FAM209A: variants seen among roughly 807,000 people sequenced by gnomAD.
The protein encoded by FAM209A is protein FAM209A.
Under a neutral mutation model 9.8 loss-of-function variants are expected in FAM209A, and 4 were observed. The observed-to-expected ratio is 0.41, with a 90% CI of 0.20 to 0.94. FAM209A has a LOEUF of 0.94. Among genes scored for constraint, FAM209A ranks in the 40% least tolerant of loss-of-function variants. FAM209A has a pLI of 0.32. For synonymous variants in FAM209A, 55 were observed against 77.8 expected, an observed-to-expected ratio of 0.71 and a Z score of 1.54; for missense variants, 205 against 209.4, an observed-to-expected ratio of 0.98 and a Z score of 0.13.
the FAM209A span, among the ~76,000 whole-genome samples, chr20:56,531,252 C>T: frequency 6.6e-6 from 1 of 151,866 alleles, no homozygotes; most frequent in Non-Finnish European, 1.5e-5. Context: ...TTGTGCTCGT[C>T]TCTAAAGCTT....
chr20:56,525,940 A>C lies in FAM209A; in HGVS notation c.386A>C (p.Lys129Thr), dbSNP rs1262557248. 6.2e-7 allele frequency: 1 copy of C among 1,614,190 alleles called. No individual in the cohort carries two copies. The highest frequency in any genetic ancestry group is 2.2e-5 in the East Asian group (1 of 44,890). ...LEVELMKFVS[K>T]VRNLKRAMAT... ...GTGGAGCTTATGAAATTTGTGTCCAAAGTGCGGAATCTTAAACGTGCCATG... is the reference window on the plus strand; with the variant it reads ...GTGGAGCTTATGAAATTTGTGTCCACAGTGCGGAATCTTAAACGTGCCATG... The change falls in exon 2 of 2, where the codon AAA becomes ACA. Residue 129 changes from lysine to threonine, a missense_variant. Physicochemically the swap from Lys to Thr is moderately conservative, Grantham distance 78 (BLOSUM62 -1). Transcript: ENST00000371328.
chr20:56,529,786 G>A (rs748249546), downstream of FAM209A, among the ~76,000 whole-genome samples: 53 of 152,228 alleles, frequency 3.5e-4, 1 homozygote, highest in Non-Finnish European at 3.2e-4. Flanking sequence ...CCGAGATCAC[G>A]CCATTGCACT....
the FAM209A span, among the ~76,000 whole-genome samples, chr20:56,531,949 T>TTTTC: frequency 7.9e-6 from 1 of 126,334 alleles, no homozygotes; most frequent in Non-Finnish European, 1.6e-5. Flanking sequence ...GTATACTCTT[T>TTTTC]TTTTCTTTTC....
downstream of FAM209A, among the ~76,000 whole-genome samples, chr20:56,526,660 A>AG (rs376489503): frequency 6.0e-5 from 9 of 149,460 alleles, no homozygotes; most frequent in East Asian, 3.9e-4. Context: ...AAAAAAAAAA[A>AG]GGGGGATGAG....
downstream of FAM209A, among the ~76,000 whole-genome samples, chr20:56,527,480 T>C (rs988736124): frequency 2.0e-5 from 3 of 152,184 alleles, no homozygotes; most frequent in Non-Finnish European, 4.4e-5. Context: ...TTAAAATCCT[T>C]CATTTAATTC....
At chr20:56,533,546 C>A in the FAM209A span, 3 of 1,613,978 alleles carry the variant, frequency 1.9e-6, no homozygotes, top group Admixed American at 5.0e-5. Flanking sequence ...TGCTGTTGTG[C>A]CGTTTGTGAT....
the FAM209A span, among the ~76,000 whole-genome samples, chr20:56,532,480 C>CTTTTTTTTTTTTTTTTTTTTTTT: frequency 9.2e-6 from 1 of 108,260 alleles, no homozygotes; most frequent in East Asian, 3.5e-4. Context: ...TTTTCTTTTT[C>CTTTTTTTTTTTTTTTTTTTTTTT]TTTTTTTTTT....
At chr20:56,529,542 A>G (rs1224814694), downstream of FAM209A, among the ~76,000 whole-genome samples, 1 of 151,160 alleles carries the variant, frequency 6.6e-6, no homozygotes, top group African/African-American at 2.4e-5. Context: ...AAAAATAAAA[A>G]TACAGGCCTG....
downstream of FAM209A, among the ~76,000 whole-genome samples, chr20:56,527,482 A>C (rs1395960100): frequency 2.6e-5 from 4 of 152,156 alleles, no homozygotes; most frequent in African/African-American, 9.7e-5. Context: ...AAAATCCTTC[A>C]TTTAATTCAT....
intron 1 of FAM209A, 84 bp from the exon 2 acceptor site, chr20:56,525,720 A>T: frequency 1.4e-6 from 2 of 1,399,774 alleles, no homozygotes; most frequent in Non-Finnish European, 2.0e-6. Context: ...TCTTGCAACT[A>T]CTCAAGTCTG....
the FAM209A span, among the ~76,000 whole-genome samples, chr20:56,531,266 G>A: frequency 3.2e-4 from 48 of 149,188 alleles, no homozygotes; most frequent in African/African-American, 1.1e-3. Flanking sequence ...AAAGCTTCCT[G>A]TTCTTATCAC....
chr20:56,527,226 TA>T (rs1985567242), downstream of FAM209A, among the ~76,000 whole-genome samples: 2 of 152,086 alleles, frequency 1.3e-5, no homozygotes, highest in African/African-American at 4.8e-5. Flanking sequence ...TTTTTTGGAT[TA>T]TTTTCTGGCT....
chr20:56,533,202 A>C, the FAM209A span: 1 of 1,533,802 alleles, frequency 6.5e-7, no homozygotes, highest in South Asian at 1.3e-5. Flanking sequence ...CTCTGTCCTG[A>C]AATCATCACA....
At chr20:56,525,410 G>T (rs951728285) in intron 1 of FAM209A, among the ~76,000 whole-genome samples, 7 of 152,064 alleles carry the variant, frequency 4.6e-5, no homozygotes, top group Non-Finnish European at 1.0e-4. Context: ...TTAAATTCTT[G>T]CTAGTGTTTG....
At position 56,526,099 on chromosome 20, in the gene FAM209A, G is replaced by A; in HGVS notation, c.*29G>A. ...GATTTGTGTGTCAGGAGAGAAAAAA[G>A]TTGAGTGTTGACAAACTGTATGCAA... On this transcript the variant is annotated 3_prime_UTR_variant, in exon 2 of 2. Coordinates refer to ENST00000371328, the MANE Select transcript of FAM209A (RefSeq NM_001012971.4). 5 of 1,544,060 alleles carry A rather than the reference G, an allele frequency of 3.2e-6. No individual in the cohort carries two copies. The highest frequency in any genetic ancestry group is 2.3e-5 in the East Asian group (1 of 44,216).
the FAM209A span, chr20:56,533,117 C>T: frequency 1.4e-6 from 2 of 1,412,368 alleles, no homozygotes; most frequent in Non-Finnish European, 1.8e-6. Context: ...CCTATCCTCT[C>T]TCTCTGACTG....
chr20:56,532,159 G>A, the FAM209A span, among the ~76,000 whole-genome samples: 1 of 151,214 alleles, frequency 6.6e-6, no homozygotes, highest in Admixed American at 6.6e-5. Flanking sequence ...ATTTTTAGTA[G>A]AGATAGGGTT....
the FAM209A span, among the ~76,000 whole-genome samples, chr20:56,532,703 C>T: frequency 6.0e-3 from 916 of 151,690 alleles, 4 homozygotes; most frequent in Non-Finnish European, 8.8e-3. Context: ...AGGATGGTCT[C>T]GATCTCTTGA....
downstream of FAM209A, chr20:56,526,275 G>A (rs552304615): frequency 6.9e-5 from 44 of 633,750 alleles, no homozygotes; most frequent in Admixed American, 1.1e-4. Flanking sequence ...AGAGCTGTGG[G>A]TGGTGAGAAG....
Sources: gnomAD v4.1 joint callset for allele counts (sites outside exome capture counted in the v4.1 genomes callset) on GRCh38, gnomAD v4.1.1 for gene constraint, MANE v1.5 for transcripts, NCBI Gene and HGNC (gene_info 2026-07-23, HGNC 2026-07-21) for gene names.